The following LAT2 variants were observed in gnomAD, a reference collection of about 807,000 sequenced individuals.
LAT2 encodes linker for activation of T-cells family member 2.
In LAT2, 23 loss-of-function variants were observed where a neutral mutation model predicts 43.4. The ratio of observed to expected loss-of-function variants is 0.53; its 90% CI spans 0.38 to 0.75. LAT2 has a LOEUF of 0.75. LAT2 is among the 30% of genes least tolerant of loss of function. LAT2 has a pLI of 0.00. For missense variants in LAT2, 284 were observed against 310.2 expected, an observed-to-expected ratio of 0.92 and a Z score of 0.64; for synonymous variants, 128 against 123.2, an observed-to-expected ratio of 1.04 and a Z score of -0.26.
At chr7:74,224,389 G>A (rs1554715769) in intron 12 of LAT2, among the ~76,000 whole-genome samples, 192 bp downstream of exon 12, 2 of 152,208 alleles carry the variant, frequency 1.3e-5, no homozygotes, top group African/African-American at 4.8e-5. Context: ...AGCCTCCAGG[G>A]TGGGGTCAGG....
intron 4 of LAT2, among the ~76,000 whole-genome samples, chr7:74,217,839 A>C (rs1563971019): frequency 6.6e-6 from 1 of 152,208 alleles, no homozygotes; most frequent in Non-Finnish European, 1.5e-5. Context: ...TGACCCACAC[A>C]CGCACACCCG....
chr7:74,223,694 C>G (rs1554715617), intron 10 of LAT2, 30 bp from the exon 11 acceptor site: 1 of 1,606,574 alleles, frequency 6.2e-7, no homozygotes, highest in East Asian at 2.2e-5. Flanking sequence ...TCTGCCCACA[C>G]CCCCGTGCCC....
At chr7:74,221,522 G>GC (rs1802279019) in intron 9 of LAT2, 115 bp from the exon 10 acceptor site, 2 of 629,090 alleles carry the variant, frequency 3.2e-6, no homozygotes, top group South Asian at 2.5e-5. Flanking sequence ...GACCCCCATG[G>GC]CCCCCAAGAG....
chr7:74,211,567 C>A (rs1554713168), intron 1 of LAT2, among the ~76,000 whole-genome samples: 2 of 152,148 alleles, frequency 1.3e-5, no homozygotes, highest in Non-Finnish European at 2.9e-5. Context: ...ATGCCATTCT[C>A]CTGCCTCAGC....
At position 74,216,053 on chromosome 7, in the gene LAT2, G is replaced by A. The variant is rs1802031569; in HGVS notation, c.78G>A (p.Val26=). 6.2e-7 allele frequency: 1 copy of A among 1,612,754 alleles called. No homozygotes were observed. Among genetic ancestry groups the A allele is most frequent in the Non-Finnish European group, 8.5e-7 (1 of 1,179,564 alleles). Residue 26 remains valine (V), a synonymous_variant, in exon 3 of 14, where the codon GTG becomes GTA. Transcript: ENST00000460943. ...VLLGVAASLC[V]RCSRPGAKRS... ...TGGGGGTGGCAGCCAGTCTGTGTGT[G>A]CGCTGCTCACGCCCAGGTAAGCGGG... is the stretch of plus-strand genomic sequence containing the variant.
chr7:74,219,889 G>A (rs964160549), intron 5 of LAT2, 71 bp from the exon 6 acceptor site: 1 of 1,612,054 alleles, frequency 6.2e-7, no homozygotes, highest in Non-Finnish European at 8.5e-7. Flanking sequence ...GCCTGATGTG[G>A]GGGGATGATG....
rs191142706 is a variant in LAT2 at position 74,213,573 on chromosome 7, T to A, written c.-218-1249T>A. 8.8e-4 allele frequency among the ~76,000 whole-genome samples: 133 copies of A among 151,948 alleles called. 1 individual carries two copies. The highest frequency in any genetic ancestry group is 3.1e-3 in the Admixed American group (48 of 15,242). On this transcript the variant is annotated intron_variant, in intron 1 of 13. Transcript: ENST00000460943. ...CTGATTAGCTGGGATCACAGGCGTG[T>A]GCCACCACACCCGGCTAATTTTTGT... is the stretch of plus-strand genomic sequence containing the variant.
chr7:74,215,433 C>T (rs1389304665), intron 2 of LAT2, among the ~76,000 whole-genome samples: 4 of 152,226 alleles, frequency 2.6e-5, no homozygotes, highest in African/African-American at 4.8e-5. Flanking sequence ...CGAGGGCTTC[C>T]GGGTGCGTCT....
chr7:74,212,126 G>A (rs1395034748), intron 1 of LAT2, among the ~76,000 whole-genome samples: 1 of 151,538 alleles, frequency 6.6e-6, no homozygotes, highest in Non-Finnish European at 1.5e-5. Context: ...TCATTTTTTT[G>A]TAGAGACAGG....
intron 9 of LAT2, 62 bp from the exon 10 acceptor site, chr7:74,221,575 G>A (rs568034283): frequency 4.3e-6 from 6 of 1,407,466 alleles, no homozygotes; most frequent in Non-Finnish European, 6.0e-6. Context: ...CCCCCTTATG[G>A]AGCCCCCAAC....
intron 1 of LAT2, among the ~76,000 whole-genome samples, chr7:74,214,144 ATATATAAATATATATATGAAAAT>A (rs1801859271): frequency 9.4e-6 from 1 of 105,918 alleles, no homozygotes; most frequent in Admixed American, 1.3e-4. Context: ...ATATGAAAAT[ATATATAAATATATATATGAAAAT>A]ATATATATGA....
intron 4 of LAT2, among the ~76,000 whole-genome samples, chr7:74,219,138 G>T (rs375328321): frequency 7.0e-6 from 1 of 143,026 alleles, no homozygotes; most frequent in Admixed American, 7.4e-5. Flanking sequence ...CCGGGTTCAC[G>T]CCATTCTCCT....
chr7:74,219,191 C>T (rs1017265728), intron 4 of LAT2, among the ~76,000 whole-genome samples: 7 of 151,802 alleles, frequency 4.6e-5, no homozygotes, highest in South Asian at 2.1e-4. Flanking sequence ...CGCCCGCCAC[C>T]GCGCCCGGCT....
chr7:74,210,456 A>G (rs1801691506), intron 1 of LAT2, among the ~76,000 whole-genome samples: 1 of 152,122 alleles, frequency 6.6e-6, no homozygotes, highest in African/African-American at 2.4e-5. Context: ...AGGTCAGGGG[A>G]AAACGGTGGG....
intron 13 of LAT2, among the ~76,000 whole-genome samples, chr7:74,227,685 C>G (rs1309100796): frequency 6.6e-6 from 1 of 152,126 alleles, no homozygotes; most frequent in Non-Finnish European, 1.5e-5. Context: ...CAGGGGTAGG[C>G]AACATGGTGA....
chr7:74,220,310 G>A lies in LAT2; in HGVS notation c.265+56G>A, dbSNP rs1802217660. ...GCCTAGCCAAGCTGGGACTAAGACA[G>A]GCGAAAACCCCATGGGACAGGCGTC... On this transcript the variant is annotated intron_variant, in intron 7 of 13. Coordinates refer to ENST00000460943, the MANE Select transcript of LAT2 (RefSeq NM_032464.3). This position sits in a 1 kb window ranked among gnomAD's most constrained non-coding sequence, Gnocchi z 4.5. 2 of 1,568,018 alleles carry A rather than the reference G, an allele frequency of 1.3e-6. No individual in the cohort carries two copies. Among genetic ancestry groups the A allele is most frequent in the Non-Finnish European group, 1.7e-6 (2 of 1,149,184 alleles).
At chr7:74,211,412 G>A (rs1057313246) in intron 1 of LAT2, among the ~76,000 whole-genome samples, 4 of 152,146 alleles carry the variant, frequency 2.6e-5, no homozygotes, top group Non-Finnish European at 5.9e-5. Context: ...AAGTAGCTGG[G>A]GACTACAGGC....
Position 74,220,681 on chromosome 7 carries a change from C to G in LAT2, c.302-23C>G, listed in dbSNP as rs570281546. 8.1e-6 allele frequency: 13 copies of G among 1,611,550 alleles called. No individual in the cohort carries two copies. The highest frequency in any genetic ancestry group is 4.4e-5 in the South Asian group (4 of 91,058). ...GGGGGCCACACCCAGGGGCTCAGGC[C>G]CAATTCTCGCCTCCTCCCGCAGGAA... On this transcript the variant is annotated intron_variant, in intron 8 of 13. Transcript: ENST00000460943. This position sits in a 1 kb window ranked among gnomAD's most constrained non-coding sequence, Gnocchi z 4.5.
Position 74,224,146 on chromosome 7 carries a change from T to G in LAT2, c.577T>G (p.Tyr193Asp). Residue 193 changes from tyrosine (Y) to aspartate (D), a missense_variant, in exon 12 of 14, where the codon TAT becomes GAT. Coordinates refer to ENST00000460943, the MANE Select transcript of LAT2 (RefSeq NM_032464.3). ...GGAAGAAGATGAGGAATCTGAGGAT[T>G]ATCAGAACTCAGCATCCATCCATCA... Reference protein sequence around the residue: ...SPEEDEESEDYQNSASIHQWR... With the variant: ...SPEEDEESEDDQNSASIHQWR... 2 of 1,614,190 alleles carry G rather than the reference T, an allele frequency of 1.2e-6. No homozygotes were observed. The highest frequency in any genetic ancestry group is 1.7e-6 in the Non-Finnish European group (2 of 1,180,026).
Sources: gnomAD v4.1 joint callset for allele counts (sites outside exome capture counted in the v4.1 genomes callset) on GRCh38, gnomAD v4.1.1 for gene constraint, Gnocchi (gnomAD v3.1) non-coding constraint, MANE v1.5 for transcripts, NCBI Gene and HGNC (gene_info 2026-07-23, HGNC 2026-07-21) for gene names.